Variants in AMD1 observed in about 807,000 individuals in gnomAD.
AMD1 encodes the protein S-adenosylmethionine decarboxylase proenzyme.
In AMD1, 11 loss-of-function variants were observed where a neutral mutation model predicts 40.2. That is an observed-to-expected ratio of 0.27 (90% CI 0.17 to 0.45). AMD1 has a LOEUF of 0.45. Ranked by LOEUF, AMD1 falls within the 20% of genes least tolerant of loss-of-function variation. AMD1 has a pLI of 1.00. For synonymous variants in AMD1, 121 were observed against 130.8 expected, an observed-to-expected ratio of 0.93 and a Z score of 0.51; for missense variants, 257 against 410.2, an observed-to-expected ratio of 0.63 and a Z score of 3.23.
Position 110,888,013 on chromosome 6 carries a change from G to A in AMD1, c.197+422G>A, listed in dbSNP as rs538935184. Among the ~76,000 whole-genome samples, 63 of 152,074 alleles carry A rather than the reference G, an allele frequency of 4.1e-4. 1 individual carries two copies. Among genetic ancestry groups the A allele is most frequent in the African/African-American group, 1.5e-3 (61 of 41,472 alleles). ...TTTTTTACATTATTCTTAAAAATAT[G>A]GTATAAAAGGAAACATTTAGTGTAA... On this transcript the variant is annotated intron_variant, in intron 2 of 8. Coordinates refer to ENST00000368885, the MANE Select transcript of AMD1 (RefSeq NM_001634.6).
chr6:110,835,433 T>G, the AMD1 span, among the ~76,000 whole-genome samples: 7 of 152,234 alleles, frequency 4.6e-5, no homozygotes, highest in Admixed American at 4.6e-4. Flanking sequence ...TTTAGTTACT[T>G]TAAAATCCGT....
the AMD1 span, among the ~76,000 whole-genome samples, chr6:110,850,405 C>T: frequency 2.6e-5 from 4 of 152,252 alleles, no homozygotes; most frequent in South Asian, 8.3e-4. Flanking sequence ...AAACAGAACT[C>T]CTTCACTGTC....
the AMD1 span, among the ~76,000 whole-genome samples, chr6:110,820,114 A>G: frequency 6.6e-6 from 1 of 152,210 alleles, no homozygotes; most frequent in Admixed American, 6.5e-5. Context: ...AACTGTAAGT[A>G]TACTCAGTGG....
At chr6:110,883,047 C>G (rs188458540) in intron 1 of AMD1, among the ~76,000 whole-genome samples, 27 of 152,252 alleles carry the variant, frequency 1.8e-4, no homozygotes, top group African/African-American at 6.5e-4. Flanking sequence ...TCTCTTTGAG[C>G]ATGGGAGGCC....
At chr6:110,856,215 C>T in the AMD1 span, among the ~76,000 whole-genome samples, 6 of 152,258 alleles carry the variant, frequency 3.9e-5, no homozygotes, top group South Asian at 2.1e-4. Flanking sequence ...TGGGATTGTA[C>T]AGTTGCTGCA....
At chr6:110,886,487 G>A (rs1785694410) in intron 1 of AMD1, among the ~76,000 whole-genome samples, 1 of 152,012 alleles carries the variant, frequency 6.6e-6, no homozygotes, top group Admixed American at 6.6e-5. Context: ...TGTATTTTTA[G>A]TAGAAACAGG....
At position 110,892,721 on chromosome 6, in the gene AMD1, T is replaced by C. The variant is rs1786093031; in HGVS notation, c.616-14T>C. The C allele has an allele frequency of 1.3e-6, 2 of 1,509,844 alleles. No homozygotes were observed. Among genetic ancestry groups the C allele is most frequent in the African/African-American group, 4.4e-5 (2 of 45,488 alleles). 93.5% of individuals were successfully genotyped at this position (1,509,844 alleles called of 1,614,324 possible). A position where few individuals can be genotyped will look rare whatever the true frequency, so the allele number is the denominator to read the frequency against. ...GTCAAACCCTTGTTAAACTCGGTCT[T>C]TTTCCCCCCCCAGGAGAGTGGAATT... On this transcript the variant is annotated splice_polypyrimidine_tract_variant and intron_variant, in intron 6 of 8. Transcript: ENST00000368885.
At chr6:110,888,186 C>T (rs972491733) in intron 2 of AMD1, 1 of 152,164 alleles carries the variant, frequency 6.6e-6, no homozygotes, top group Non-Finnish European at 1.5e-5. Context: ...ATACAGTTGT[C>T]TAATTGGTAT....
At chr6:110,889,146 C>A in intron 3 of AMD1, 163 bp downstream of exon 3, 1 of 675,020 alleles carries the variant, frequency 1.5e-6, no homozygotes, top group Non-Finnish European at 2.1e-6. Context: ...TTCTCAAGAA[C>A]AGCAGAAAAT....
chr6:110,850,881 T>C, the AMD1 span, among the ~76,000 whole-genome samples: 14 of 152,202 alleles, frequency 9.2e-5, no homozygotes, highest in African/African-American at 2.4e-4. Context: ...ATTAATTATT[T>C]AAATACTCAG....
chr6:110,866,789 A>G, the AMD1 span, among the ~76,000 whole-genome samples: 3 of 151,810 alleles, frequency 2.0e-5, no homozygotes, highest in African/African-American at 7.3e-5. Flanking sequence ...ATATGGTGGT[A>G]TCGGTTTCTG....
chr6:110,870,513 C>T (rs546199613), upstream of AMD1, among the ~76,000 whole-genome samples: 2 of 152,080 alleles, frequency 1.3e-5, no homozygotes, highest in East Asian at 1.9e-4. Flanking sequence ...GTCCCAGCTA[C>T]GTGGGAGGCT....
chr6:110,836,663 G>T, the AMD1 span, among the ~76,000 whole-genome samples: 1 of 151,828 alleles, frequency 6.6e-6, no homozygotes, highest in African/African-American at 2.4e-5. Context: ...TTGTTTATTT[G>T]TTTTTTGTTT....
At chr6:110,815,883 T>C in the AMD1 span, 1 of 152,250 alleles carries the variant, frequency 6.6e-6, no homozygotes, top group Non-Finnish European at 1.5e-5. Context: ...TTGTTTCTTT[T>C]CTAGGGCAGT....
the AMD1 span, among the ~76,000 whole-genome samples, chr6:110,862,203 T>A: frequency 2.6e-5 from 4 of 151,574 alleles, no homozygotes; most frequent in African/African-American, 9.7e-5. Context: ...AGAGATAGAG[T>A]CTCATTATGT....
intron 2 of AMD1, 121 bp from the exon 3 acceptor site, chr6:110,888,736 T>A: frequency 1.0e-6 from 1 of 959,086 alleles, no homozygotes; most frequent in Non-Finnish European, 1.5e-6. Flanking sequence ...GTTACTTGCT[T>A]CCTTGAGATC....
chr6:110,867,662 T>TCAAAA, the AMD1 span, among the ~76,000 whole-genome samples: 3 of 152,084 alleles, frequency 2.0e-5, no homozygotes, highest in East Asian at 1.9e-4. Flanking sequence ...AGACTCTCAC[T>TCAAAA]CAAAACAAAA....
chr6:110,854,808 T>C, the AMD1 span, among the ~76,000 whole-genome samples: 1 of 152,138 alleles, frequency 6.6e-6, no homozygotes, highest in Non-Finnish European at 1.5e-5. Context: ...TATATTGAAA[T>C]GTAGCAACTC....
chr6:110,895,044 A>G lies in AMD1; in HGVS notation c.*1428A>G, dbSNP rs1229000191. 2 of 152,238 alleles carry G rather than the reference A, an allele frequency of 1.3e-5. No individual in the cohort carries two copies. The highest frequency in any genetic ancestry group is 2.9e-5 in the Non-Finnish European group (2 of 68,044). The allele number at this position is 152,238 out of a possible 1,614,324, so 9.4% of individuals were successfully genotyped here. A position where few individuals can be genotyped will look rare whatever the true frequency, so the allele number is the denominator to read the frequency against. On this transcript the variant is annotated 3_prime_UTR_variant, in exon 9 of 9. Transcript: ENST00000368885. Reference sequence around the variant, plus strand: ...TCAAGAGTTGGTACCTTTTAGCTATATTTGCAGATTCTCTGGGATTTTAAG... The same window carrying G: ...TCAAGAGTTGGTACCTTTTAGCTATGTTTGCAGATTCTCTGGGATTTTAAG...
Sources: allele counts gnomAD v4.1 joint callset (sites outside exome capture counted in the v4.1 genomes callset), GRCh38; gene constraint gnomAD v4.1.1; transcripts MANE v1.5; gene names NCBI Gene and HGNC (gene_info 2026-07-23, HGNC 2026-07-21).